Variants in TSPEAR observed in about 807,000 individuals in gnomAD.
The protein encoded by TSPEAR is thrombospondin type laminin G domain and EAR repeats.
A neutral mutation model predicts 71.6 loss-of-function variants in TSPEAR; 69 were observed. That is an observed-to-expected ratio of 0.96 (90% CI 0.79 to 1.18). TSPEAR has a LOEUF of 1.18. Ranked by LOEUF, TSPEAR falls within the 50% of genes most tolerant of loss-of-function variation. The pLI, the probability that TSPEAR is intolerant of heterozygous loss-of-function variation, is 0.00. For synonymous variants in TSPEAR, 402 were observed against 387.2 expected, an observed-to-expected ratio of 1.04 and a Z score of -0.45; for missense variants, 971 against 894.9, an observed-to-expected ratio of 1.09 and a Z score of -1.09.
Position 44,509,107 on chromosome 21 carries a change from G to C in TSPEAR, c.1754+92C>G. On this transcript the variant is annotated intron_variant, in intron 10 of 11. Coordinates refer to ENST00000323084, the MANE Select transcript of TSPEAR (RefSeq NM_144991.3). The stretch of plus-strand genomic sequence containing the variant: ...GGTCCCCAGGCCAGTCTTTCCACGG[G>C]AAGGGTGGTGAGGATGAGCCTAACG... 6 of 1,441,764 alleles carry C rather than the reference G, an allele frequency of 4.2e-6. No individual in the cohort carries two copies. In the South Asian group the frequency reaches 6.5e-5, roughly 16 times the overall value. 89.3% of individuals were successfully genotyped at this position (1,441,764 alleles called of 1,614,324 possible).
At chr21:44,647,180 G>A (rs1555940266) in intron 1 of TSPEAR, 1 of 1,613,584 alleles carries the variant, frequency 6.2e-7, no homozygotes, top group South Asian at 1.1e-5. Flanking sequence ...TCCCTCCTCT[G>A]CCACCCCGTG....
Position 44,581,709 on chromosome 21 carries a change from T to C in TSPEAR, c.83-13704A>G, listed in dbSNP as rs587747224. Among the ~76,000 whole-genome samples, 71 of 152,320 alleles carry C rather than the reference T, an allele frequency of 4.7e-4. 1 individual carries two copies. The highest frequency in any genetic ancestry group is 1.4e-3 in the Admixed American group (21 of 15,304). ...ATAACTCATCTCTCAAGGTCTTTCC[T>C]TTTGTGACTTTAATTTTGTCTCACG... On this transcript the variant is annotated intron_variant, in intron 1 of 11. Coordinates refer to ENST00000323084, the MANE Select transcript of TSPEAR (RefSeq NM_144991.3).
chr21:44,572,407 G>A (rs782553485), intron 1 of TSPEAR, among the ~76,000 whole-genome samples: 5 of 152,094 alleles, frequency 3.3e-5, no homozygotes, highest in Non-Finnish European at 5.9e-5. Context: ...AGCTGGCAAA[G>A]GGCGATGTGA....
chr21:44,633,780 C>G (rs1176463247), intron 1 of TSPEAR, among the ~76,000 whole-genome samples: 1 of 152,026 alleles, frequency 6.6e-6, no homozygotes, highest in African/African-American at 2.4e-5. Flanking sequence ...GATCTTTGAT[C>G]TAGTTCTATT....
chr21:44,651,426 C>T (rs12482310), intron 1 of TSPEAR, among the ~76,000 whole-genome samples: 26,349 of 152,076 alleles, frequency 0.17, 2,394 homozygotes, highest in Non-Finnish European at 0.2. Flanking sequence ...AGTGGAGGTC[C>T]GAAGTCTGCT....
At chr21:44,537,149 T>TA (rs1212812761) in intron 2 of TSPEAR, among the ~76,000 whole-genome samples, 1 of 152,174 alleles carries the variant, frequency 6.6e-6, no homozygotes, top group African/African-American at 2.4e-5. Context: ...TATAGTAGTT[T>TA]AAAAAATACT....
At chr21:44,521,426 G>A (rs587677635) in intron 9 of TSPEAR, among the ~76,000 whole-genome samples, 7 of 152,318 alleles carry the variant, frequency 4.6e-5, no homozygotes, top group African/African-American at 1.4e-4. Flanking sequence ...GGAGAGGAGC[G>A]CCACGTGCTG....
At chr21:44,590,479 G>T (rs1324314356) in intron 1 of TSPEAR, among the ~76,000 whole-genome samples, 1 of 152,150 alleles carries the variant, frequency 6.6e-6, no homozygotes, top group Non-Finnish European at 1.5e-5. Flanking sequence ...TTGGTTAGTG[G>T]GTGCCATGGT....
intron 1 of TSPEAR, among the ~76,000 whole-genome samples, chr21:44,571,641 A>G (rs1333977589): frequency 1.3e-5 from 2 of 152,230 alleles, no homozygotes; most frequent in Non-Finnish European, 2.9e-5. Context: ...ACTTGGACCC[A>G]AAAGTAAGAA....
chr21:44,520,992 G>A lies in TSPEAR; in HGVS notation c.1566+891C>T, dbSNP rs1025529268. On this transcript the variant is annotated intron_variant, in intron 9 of 11. Coordinates refer to ENST00000323084, the MANE Select transcript of TSPEAR (RefSeq NM_144991.3). This position sits in a 1 kb window ranked among gnomAD's most constrained non-coding sequence, Gnocchi z 4.2. ...GGGACGTGGCATGGGGGCAGCTCAC[G>A]TGGCAAGAGTGGCCTGGGTTAGTCT... Among the ~76,000 whole-genome samples the A allele has an allele frequency of 6.6e-6, 1 of 152,188 alleles. No individual in the cohort carries two copies. Among genetic ancestry groups the A allele is most frequent in the East Asian group, 1.9e-4 (1 of 5,190 alleles).
intron 1 of TSPEAR, among the ~76,000 whole-genome samples, chr21:44,655,590 G>A (rs762388416): frequency 7.9e-5 from 12 of 152,196 alleles, no homozygotes; most frequent in Admixed American, 2.0e-4. Flanking sequence ...CCTCTCCCTC[G>A]CTGTGGGTCT....
At chr21:44,637,461 A>C in intron 1 of TSPEAR, 1 of 1,612,732 alleles carries the variant, frequency 6.2e-7, no homozygotes, top group Non-Finnish European at 8.5e-7. Context: ...GCCTGCACTG[A>C]CTCTTGGCGG....
intron 1 of TSPEAR, among the ~76,000 whole-genome samples, chr21:44,578,180 T>G (rs912711550): frequency 6.6e-6 from 1 of 152,188 alleles, no homozygotes; most frequent in Non-Finnish European, 1.5e-5. Flanking sequence ...GAAAATGAAC[T>G]AATACATCAG....
chr21:44,568,331 A>T (rs1339643424), intron 1 of TSPEAR, among the ~76,000 whole-genome samples: 1 of 152,152 alleles, frequency 6.6e-6, no homozygotes, highest in African/African-American at 2.4e-5. Context: ...TGCGGGACGA[A>T]GGAAGGAACG....
intron 1 of TSPEAR, among the ~76,000 whole-genome samples, chr21:44,653,088 G>A (rs1984910698): frequency 6.6e-6 from 1 of 152,168 alleles, no homozygotes; most frequent in Admixed American, 6.5e-5. Flanking sequence ...AACTTGGGAG[G>A]TGGAGCTTGC....
At chr21:44,698,094 A>G in intron 1 of TSPEAR, 3 of 923,436 alleles carry the variant, frequency 3.2e-6, no homozygotes, top group Non-Finnish European at 4.8e-6. Flanking sequence ...TCTTCCCCTA[A>G]GCCCTGGGGG....
intron 1 of TSPEAR, among the ~76,000 whole-genome samples, chr21:44,645,866 G>A (rs1227592083): frequency 9.2e-5 from 14 of 151,804 alleles, no homozygotes; most frequent in African/African-American, 4.8e-5. Context: ...CCGGCCGGAC[G>A]CGGTGGCTCA....
At chr21:44,628,181 G>C in intron 1 of TSPEAR, 1 of 1,183,828 alleles carries the variant, frequency 8.4e-7, no homozygotes, top group Non-Finnish European at 1.2e-6. Context: ...CCCAGCCCCG[G>C]GGTCTCAGAT....
chr21:44,590,815 G>T (rs2146121015), intron 1 of TSPEAR, among the ~76,000 whole-genome samples: 1 of 152,188 alleles, frequency 6.6e-6, no homozygotes, highest in South Asian at 2.1e-4. Flanking sequence ...CCTGGCCTTG[G>T]TTCCAGAGGC....
Sources: gnomAD v4.1 joint callset for allele counts (sites outside exome capture counted in the v4.1 genomes callset) on GRCh38, gnomAD v4.1.1 for gene constraint, Gnocchi (gnomAD v3.1) non-coding constraint, MANE v1.5 for transcripts, NCBI Gene and HGNC (gene_info 2026-07-23, HGNC 2026-07-21) for gene names.